CTNNA3: variants seen among roughly 807,000 people sequenced by gnomAD.
The protein encoded by CTNNA3 is catenin alpha 3.
A neutral mutation model predicts 95.7 loss-of-function variants in CTNNA3; 76 were observed. That is an observed-to-expected ratio of 0.79 (90% CI 0.66 to 0.96). CTNNA3 has a LOEUF of 0.96. Ranked by LOEUF, CTNNA3 falls within the 40% of genes least tolerant of loss-of-function variation. The pLI, the probability that CTNNA3 is intolerant of heterozygous loss-of-function variation, is 0.00. For synonymous variants in CTNNA3, 431 were observed against 374.4 expected, an observed-to-expected ratio of 1.15 and a Z score of -1.74; for missense variants, 1,191 against 1,089.8, an observed-to-expected ratio of 1.09 and a Z score of -1.31.
intron 9 of CTNNA3, among the ~76,000 whole-genome samples, chr10:66,643,478 T>C (rs1270784182): frequency 2.6e-5 from 4 of 152,206 alleles, no homozygotes; most frequent in African/African-American, 9.6e-5. Flanking sequence ...AAGCTCTAAA[T>C]GGAAGACTAC....
At chr10:66,469,452 A>T (rs1839047650) in intron 11 of CTNNA3, among the ~76,000 whole-genome samples, 1 of 151,876 alleles carries the variant, frequency 6.6e-6, no homozygotes, top group Non-Finnish European at 1.5e-5. Flanking sequence ...GAGTGGCACA[A>T]GAAAAATATG....
At position 67,355,650 on chromosome 10, in the gene CTNNA3, T is replaced by C. The variant is rs978313057; in HGVS notation, c.580-135780A>G. On this transcript the variant is annotated intron_variant, in intron 5 of 17. Coordinates refer to ENST00000433211, the MANE Select transcript of CTNNA3 (RefSeq NM_013266.4). ...AAAAAAAAAAACCTTTTCATAATAT[T>C]AAAATATGAACATTCATCCACCATC... 7.7e-4 allele frequency among the ~76,000 whole-genome samples: 117 copies of C among 152,036 alleles called. 1 individual carries two copies. The highest frequency in any genetic ancestry group is 2.7e-3 in the African/African-American group (113 of 41,512).
chr10:67,665,650 G>A (rs1374246241), intron 1 of CTNNA3: 1 of 152,116 alleles, frequency 6.6e-6, no homozygotes, highest in Non-Finnish European at 1.5e-5. Flanking sequence ...TTTGGCTTAT[G>A]ATGCATCTGT....
intron 13 of CTNNA3, among the ~76,000 whole-genome samples, chr10:66,108,605 T>A (rs914152115): frequency 6.6e-6 from 1 of 152,186 alleles, no homozygotes; most frequent in Non-Finnish European, 1.5e-5. Flanking sequence ...TCTCTTCATT[T>A]TTTTCCTTTT....
rs182819154 is a variant in CTNNA3, at chr10:65,999,677, T to G, written c.2160-10880A>C. Among the ~76,000 whole-genome samples, 47 of 152,296 alleles carry G rather than the reference T, an allele frequency of 3.1e-4. No homozygotes were observed. The East Asian group carries it at 6.7e-3, about 22-fold the overall frequency. On this transcript the variant is annotated intron_variant, in intron 15 of 17. Transcript: ENST00000433211. Reference sequence around the variant, plus strand: ...CTACAATTACTGAAACTATGATAAATTTTTAAAATTCTCAGCCTGAAATGT... The same window carrying G: ...CTACAATTACTGAAACTATGATAAAGTTTTAAAATTCTCAGCCTGAAATGT...
At chr10:67,581,034 A>G (rs1245389446) in intron 3 of CTNNA3, among the ~76,000 whole-genome samples, 1 of 151,976 alleles carries the variant, frequency 6.6e-6, no homozygotes, top group Non-Finnish European at 1.5e-5. Context: ...TCTTTTCCTA[A>G]TTGAATACCC....
intron 7 of CTNNA3, among the ~76,000 whole-genome samples, chr10:66,914,556 A>G (rs1224870994): frequency 6.6e-6 from 1 of 152,082 alleles, no homozygotes; most frequent in South Asian, 2.1e-4. Context: ...AAAAAAAAAA[A>G]AACTGCAAAT....
intron 6 of CTNNA3, among the ~76,000 whole-genome samples, chr10:67,202,806 C>G (rs1863708928): frequency 6.6e-6 from 1 of 151,600 alleles, no homozygotes; most frequent in Non-Finnish European, 1.5e-5. Context: ...CCTTCCAAAA[C>G]AAATTTTTAT....
intron 7 of CTNNA3, among the ~76,000 whole-genome samples, chr10:67,132,292 A>G (rs940548566): frequency 3.9e-5 from 6 of 152,232 alleles, no homozygotes; most frequent in African/African-American, 1.4e-4. Flanking sequence ...GCTGAATTTT[A>G]GGCATATGGA....
At chr10:66,460,293 T>C (rs969711657) in intron 11 of CTNNA3, among the ~76,000 whole-genome samples, 1 of 152,194 alleles carries the variant, frequency 6.6e-6, no homozygotes, top group African/African-American at 2.4e-5. Context: ...TGCCAGAATG[T>C]AAATTAAGTA....
intron 13 of CTNNA3, among the ~76,000 whole-genome samples, chr10:66,195,488 GT>G (rs58588050): frequency 0.32 from 49,275 of 152,006 alleles, 8,456 homozygotes; most frequent in South Asian, 0.48. Context: ...TGATCAAATA[GT>G]TTTTGGAGAT....
chr10:67,319,976 A>G (rs1414688439), intron 5 of CTNNA3, among the ~76,000 whole-genome samples: 2 of 151,720 alleles, frequency 1.3e-5, no homozygotes, highest in Non-Finnish European at 2.9e-5. Context: ...GCTTACATTT[A>G]TGGAAAAGTA....
chr10:66,753,772 T>G (rs1220066204), intron 9 of CTNNA3, among the ~76,000 whole-genome samples: 1 of 151,726 alleles, frequency 6.6e-6, no homozygotes, highest in African/African-American at 2.4e-5. Context: ...ATAATTCCAT[T>G]TACAATAGCA....
At chr10:66,992,259 A>G (rs565279628) in intron 7 of CTNNA3, among the ~76,000 whole-genome samples, 5 of 152,182 alleles carry the variant, frequency 3.3e-5, no homozygotes, top group Non-Finnish European at 7.4e-5. Flanking sequence ...TATTTCCCTA[A>G]TCACTGGTGA....
Position 66,872,716 on chromosome 10 carries a change from C to G in CTNNA3, c.1048-97192G>C, listed in dbSNP as rs1311042981. On this transcript the variant is annotated intron_variant, in intron 7 of 17. Transcript: ENST00000433211. ...ATAATTTCAACTTTTATTTTTGATT[C>G]AGGTGGTACACGTGAAGGTTTGTTA... Among the ~76,000 whole-genome samples, 3 of 151,118 alleles carry G rather than the reference C, an allele frequency of 2.0e-5. No individual in the cohort carries two copies. The East Asian group carries it at 5.8e-4, about 29-fold the overall frequency.
chr10:66,476,227 G>C (rs561228156), intron 11 of CTNNA3, among the ~76,000 whole-genome samples: 82 of 152,130 alleles, frequency 5.4e-4, no homozygotes, highest in African/African-American at 2.0e-3. Flanking sequence ...GGGGGATGTG[G>C]GGAGGGAGAG....
chr10:66,316,740 G>A (rs932251377), intron 12 of CTNNA3, among the ~76,000 whole-genome samples: 1 of 151,978 alleles, frequency 6.6e-6, no homozygotes, highest in African/African-American at 2.4e-5. Context: ...TATAACAACA[G>A]GAGTTGAACA....
Position 66,343,529 on chromosome 10 carries a change from G to C in CTNNA3, c.1732+35623C>G, listed in dbSNP as rs77182947. On this transcript the variant is annotated intron_variant, in intron 12 of 17. Coordinates refer to ENST00000433211, the MANE Select transcript of CTNNA3 (RefSeq NM_013266.4). Reference sequence around the variant, plus strand: ...CAAATGTGGAAGTTAAAAAAAAAAAGTTGATCTCATAGAAGTAAAAGAACA... The same window carrying C: ...CAAATGTGGAAGTTAAAAAAAAAAACTTGATCTCATAGAAGTAAAAGAACA... 1.8e-3 allele frequency among the ~76,000 whole-genome samples: 274 copies of C among 151,786 alleles called. 4 individuals are homozygous for C. The East Asian group carries it at 0.042, about 23-fold the overall frequency.
At chr10:67,235,918 C>A (rs1181953583) in intron 5 of CTNNA3, among the ~76,000 whole-genome samples, 1 of 145,636 alleles carries the variant, frequency 6.9e-6, no homozygotes, top group Non-Finnish European at 1.5e-5. Context: ...AAATGCTCAC[C>A]ATCACTGGCC....
Sources: allele counts gnomAD v4.1 joint callset (sites outside exome capture counted in the v4.1 genomes callset), GRCh38; gene constraint gnomAD v4.1.1; transcripts MANE v1.5; gene names NCBI Gene and HGNC (gene_info 2026-07-23, HGNC 2026-07-21).